The following SHROOM4 variants were observed in gnomAD, a reference collection of about 807,000 sequenced individuals.
SHROOM4 encodes the protein protein Shroom4.
A neutral mutation model predicts 80.3 loss-of-function variants in SHROOM4; 17 were observed. The observed-to-expected ratio is 0.21, with a 90% CI of 0.14 to 0.32. The LOEUF is 0.32. Ranked by LOEUF, SHROOM4 falls within the 10% of genes least tolerant of loss-of-function variation. SHROOM4 has a pLI of 1.00. For missense variants in SHROOM4, 993 were observed against 1,140.3 expected (o/e 0.87, Z 1.86); for synonymous variants, 400 against 437.5 (o/e 0.91, Z 1.07).
chrX:50,781,796 C>T (rs1557270690), intron 1 of SHROOM4, among the ~76,000 whole-genome samples: 2 of 111,763 alleles, frequency 1.8e-5, no homozygotes, highest in Non-Finnish European at 3.8e-5. Flanking sequence ...CCCTAAATTC[C>T]CTCTTCATGG....
In SHROOM4 at chrX:50,607,357, C is replaced by T. The variant is rs1929710083; in HGVS notation, c.3761+24G>A. 7.5e-6 allele frequency: 9 copies of T among 1,206,214 alleles called. No homozygotes were observed. The South Asian group carries it at 1.6e-4, about 21-fold the overall frequency. ...TTGTGCTGCCTGCCTCTTCAGAGAC[C>T]TAGTATCTTTCATATGTACTTACTT... On this transcript the variant is annotated intron_variant, in intron 6 of 8. Transcript: ENST00000376020.
chrX:50,753,467 T>C (rs1557268183), intron 1 of SHROOM4, among the ~76,000 whole-genome samples: 1 of 112,047 alleles, frequency 8.9e-6, no homozygotes, highest in Non-Finnish European at 1.9e-5. Context: ...GAAAGGTTTC[T>C]AATACATTTC....
intron 6 of SHROOM4, among the ~76,000 whole-genome samples, chrX:50,603,266 C>T (rs1322733964): frequency 9.0e-6 from 1 of 111,166 alleles, no homozygotes; most frequent in Admixed American, 9.5e-5. Flanking sequence ...CCCATCCTGG[C>T]TCTATCTAGT....
Position 50,764,383 on chromosome X carries a change from A to G in SHROOM4, c.117+49519T>C, listed in dbSNP as rs782675001. ...AAAACATGAAGCTGAGAGTGGGGGG[A>G]AAAAGACACTGCGAGTGGGGGGAAA... On this transcript the variant is annotated intron_variant, in intron 1 of 8. Coordinates refer to ENST00000376020, the MANE Select transcript of SHROOM4 (RefSeq NM_020717.5). Among the ~76,000 whole-genome samples the G allele has an allele frequency of 2.5e-3, 259 of 104,677 alleles. 1 individual carries two copies. The highest frequency in any genetic ancestry group is 0.01 in the African/African-American group (256 of 25,577). The allele number at this position is 104,677 out of a possible 115,157, so 90.9% of individuals were successfully genotyped here.
rs182591157 is a variant in SHROOM4, at chrX:50,659,343, G to T, written c.270-21035C>A. 3.6e-5 allele frequency among the ~76,000 whole-genome samples: 4 copies of T among 111,362 alleles called. 1 individual carries two copies. The highest frequency in any genetic ancestry group is 1.3e-4 in the African/African-American group (4 of 30,614). ...TGTATAATGCAGGGATAGAGTAGAG[G>T]GGCAAGTTTGAGAAATGTCTGGTCT... On this transcript the variant is annotated intron_variant, in intron 2 of 8. Coordinates refer to ENST00000376020, the MANE Select transcript of SHROOM4 (RefSeq NM_020717.5).
At chrX:50,776,769 G>T (rs901622882) in intron 1 of SHROOM4, among the ~76,000 whole-genome samples, 6 of 108,783 alleles carry the variant, frequency 5.5e-5, no homozygotes, top group African/African-American at 2.0e-4. Context: ...GCTCACTGCA[G>T]CCTCAACCTC....
intron 2 of SHROOM4, among the ~76,000 whole-genome samples, chrX:50,664,906 AC>A (rs1932639658): frequency 1.9e-5 from 2 of 107,299 alleles, no homozygotes; most frequent in Admixed American, 2.0e-4. Flanking sequence ...CACACAACAC[AC>A]CACACCACAC....
chrX:50,692,385 C>A (rs1173037504), intron 2 of SHROOM4, among the ~76,000 whole-genome samples: 1 of 111,916 alleles, frequency 8.9e-6, no homozygotes, highest in African/African-American at 3.2e-5. Flanking sequence ...TGATGCTCTC[C>A]CAATTTAACA....
chrX:50,645,731 G>A (rs1295124200), intron 2 of SHROOM4, among the ~76,000 whole-genome samples: 1 of 111,961 alleles, frequency 8.9e-6, no homozygotes, highest in Non-Finnish European at 1.9e-5. Flanking sequence ...ATTTAGCGGA[G>A]CTGAGTTCCA....
intron 1 of SHROOM4, among the ~76,000 whole-genome samples, chrX:50,759,876 C>T (rs1935114193): frequency 1.8e-5 from 2 of 111,164 alleles, no homozygotes; most frequent in Non-Finnish European, 3.8e-5. Context: ...CCCAAATTTC[C>T]ATCTGTTGTT....
intron 5 of SHROOM4, among the ~76,000 whole-genome samples, chrX:50,624,613 C>T (rs868910278): frequency 1.1e-5 from 1 of 92,435 alleles, no homozygotes. Flanking sequence ...ATCTTTTTAT[C>T]TTTTTTTTTT....
intron 1 of SHROOM4, among the ~76,000 whole-genome samples, chrX:50,808,935 G>A (rs1428839281): frequency 1.8e-5 from 2 of 110,548 alleles, no homozygotes; most frequent in East Asian, 2.9e-4. Context: ...AAGTAGTATC[G>A]ACTCAAAGCT....
chrX:50,720,142 T>TGCTAGACAATCTGAGGCTTGGGG (rs1934070310), intron 1 of SHROOM4, among the ~76,000 whole-genome samples: 1 of 111,156 alleles, frequency 9.0e-6, no homozygotes, highest in Non-Finnish European at 1.9e-5. Flanking sequence ...ATGAAGTGAC[T>TGCTAGACAATCTGAGGCTTGGGG]GCTAGACAAT....
intron 1 of SHROOM4, among the ~76,000 whole-genome samples, chrX:50,720,804 C>T (rs1934089367): frequency 1.8e-5 from 2 of 111,202 alleles, no homozygotes; most frequent in Admixed American, 1.9e-4. Flanking sequence ...AAAGCGCATT[C>T]ATTCCTGGCT....
At chrX:50,609,455 G>A (rs1052418534) in intron 5 of SHROOM4, among the ~76,000 whole-genome samples, 11 of 111,094 alleles carry the variant, frequency 9.9e-5, no homozygotes, top group African/African-American at 3.6e-4. Context: ...AATTGTAATT[G>A]AAACTGTGTT....
intron 2 of SHROOM4, among the ~76,000 whole-genome samples, chrX:50,680,570 A>T (rs1557261716): frequency 9.0e-6 from 1 of 111,063 alleles, no homozygotes; most frequent in Admixed American, 9.6e-5. Context: ...TTCAGACCTC[A>T]TGCCCCTTTA....
intron 1 of SHROOM4, among the ~76,000 whole-genome samples, chrX:50,716,765 T>C (rs782404763): frequency 8.9e-6 from 1 of 112,079 alleles, no homozygotes; most frequent in South Asian, 3.8e-4. Context: ...CTGAGAAACT[T>C]TGACACCTAT....
chrX:50,798,783 C>T (rs1021358181), intron 1 of SHROOM4, among the ~76,000 whole-genome samples: 3 of 111,562 alleles, frequency 2.7e-5, no homozygotes, highest in Admixed American at 9.6e-5. Context: ...GTAACTCTGA[C>T]GATCACCAGC....
At chrX:50,741,723 C>T (rs368598461) in intron 1 of SHROOM4, among the ~76,000 whole-genome samples, 2 of 110,765 alleles carry the variant, frequency 1.8e-5, no homozygotes, top group East Asian at 2.8e-4. Context: ...TGGTAGGATG[C>T]TAGCTGTGGG....
Sources: allele counts gnomAD v4.1 joint callset (sites outside exome capture counted in the v4.1 genomes callset), GRCh38; gene constraint gnomAD v4.1.1; transcripts MANE v1.5; gene names NCBI Gene and HGNC (gene_info 2026-07-23, HGNC 2026-07-21).